PPM1B: variants seen among roughly 807,000 people sequenced by gnomAD.
PPM1B encodes protein phosphatase, Mg2+/Mn2+ dependent 1B.
PPM1B carries 22 observed loss-of-function variants against 43.0 expected under a neutral mutation model. That is an observed-to-expected ratio of 0.51 (90% CI 0.37 to 0.73). The LOEUF (loss-of-function observed/expected upper bound fraction) is 0.73, where lower values mean the gene tolerates loss of function less well. Among genes scored for constraint, PPM1B ranks in the 30% least tolerant of loss-of-function variants. The probability of loss-of-function intolerance (pLI) is 0.00; values close to 1 mark genes in which losing one functional copy is unlikely to be tolerated. For synonymous variants in PPM1B, 217 were observed against 197.9 expected, an observed-to-expected ratio of 1.10 and a Z score of -0.81; for missense variants, 632 against 584.2, an observed-to-expected ratio of 1.08 and a Z score of -0.84.
At chr2:44,175,163 A>G (rs1343712160) in intron 1 of PPM1B, among the ~76,000 whole-genome samples, 1 of 152,156 alleles carries the variant, frequency 6.6e-6, no homozygotes, top group East Asian at 1.9e-4. Flanking sequence ...CTGAGACAGG[A>G]GAATCGCTTG....
downstream of PPM1B, among the ~76,000 whole-genome samples, chr2:44,235,506 G>T (rs555831263): frequency 1.3e-4 from 20 of 150,578 alleles, no homozygotes; most frequent in African/African-American, 4.9e-4. Flanking sequence ...GGGAGGCTGA[G>T]CCAGGATAAT....
intron 1 of PPM1B, among the ~76,000 whole-genome samples, chr2:44,195,007 T>C (rs965251872): frequency 6.6e-6 from 1 of 151,644 alleles, no homozygotes; most frequent in Non-Finnish European, 1.5e-5. Context: ...TCTTCCTGCT[T>C]CAGCCTCCTA....
chr2:44,245,392 C>A (rs1670837477), downstream of PPM1B, among the ~76,000 whole-genome samples: 1 of 152,142 alleles, frequency 6.6e-6, no homozygotes, highest in South Asian at 2.1e-4. Flanking sequence ...TTGATCAGCT[C>A]TGCCTGTCGT....
chr2:44,233,013 C>T (rs1670513027), downstream of PPM1B: 4 of 982,540 alleles, frequency 4.1e-6, no homozygotes, highest in Non-Finnish European at 4.8e-6. Flanking sequence ...CATCCTTCAA[C>T]TCTCACTAGA....
intron 1 of PPM1B, among the ~76,000 whole-genome samples, chr2:44,194,649 G>A (rs1450049851): frequency 6.6e-6 from 1 of 151,932 alleles, no homozygotes; most frequent in Non-Finnish European, 1.5e-5. Flanking sequence ...TGTGAACCTG[G>A]GAGGCGGAGC....
chr2:44,187,590 T>A (rs1668185092), intron 1 of PPM1B, among the ~76,000 whole-genome samples: 1 of 152,224 alleles, frequency 6.6e-6, no homozygotes, highest in African/African-American at 2.4e-5. Flanking sequence ...CTACTCTGCC[T>A]CTCCGCCAAG....
intron 5 of PPM1B, among the ~76,000 whole-genome samples, chr2:44,222,295 A>G (rs1670012508): frequency 6.6e-6 from 1 of 152,162 alleles, no homozygotes; most frequent in Non-Finnish European, 1.5e-5. Context: ...AAATATTTGT[A>G]TTTATTCATT....
chr2:44,224,904 C>T (rs1670144614), intron 5 of PPM1B, among the ~76,000 whole-genome samples: 1 of 152,056 alleles, frequency 6.6e-6, no homozygotes, highest in South Asian at 2.1e-4. Flanking sequence ...AATAATTTCA[C>T]CAATATTTCT....
At chr2:44,238,231 T>A (rs1484640745), downstream of PPM1B, among the ~76,000 whole-genome samples, 2 of 152,164 alleles carry the variant, frequency 1.3e-5, no homozygotes, top group Non-Finnish European at 2.9e-5. Context: ...AACAATTAAT[T>A]CCACAGTGAC....
At chr2:44,187,459 G>C (rs1284300536) in intron 1 of PPM1B, among the ~76,000 whole-genome samples, 1 of 152,048 alleles carries the variant, frequency 6.6e-6, no homozygotes, top group Non-Finnish European at 1.5e-5. Context: ...TGGATCATAT[G>C]GTTGTTTTAT....
chr2:44,202,189 ATT>A, intron 2 of PPM1B, 144 bp downstream of exon 2: 2 of 845,892 alleles, frequency 2.4e-6, no homozygotes, highest in Non-Finnish European at 3.3e-6. Flanking sequence ...AAATGAAACC[ATT>A]GTTTTCTTTG....
intron 2 of PPM1B, among the ~76,000 whole-genome samples, chr2:44,205,356 T>TGTGTGTGTCGGG (rs1553333041): frequency 6.2e-5 from 9 of 145,184 alleles, no homozygotes; most frequent in Admixed American, 1.4e-4. Context: ...TGGGTGTGGG[T>TGTGTGTGTCGGG]GTGTGTGTGT....
intron 2 of PPM1B, among the ~76,000 whole-genome samples, chr2:44,206,965 C>T (rs1558413354): frequency 1.3e-5 from 2 of 152,254 alleles, no homozygotes; most frequent in East Asian, 3.9e-4. Context: ...TATAACCAAA[C>T]ACATACAGTA....
intron 2 of PPM1B, among the ~76,000 whole-genome samples, chr2:44,203,570 T>TA (rs1669038011): frequency 1.3e-5 from 2 of 152,188 alleles, no homozygotes; most frequent in African/African-American, 2.4e-5. Flanking sequence ...CTAAGTCAGC[T>TA]ACTTTCATTG....
intron 3 of PPM1B, among the ~76,000 whole-genome samples, chr2:44,217,123 G>T (rs1669756969): frequency 6.6e-6 from 1 of 152,166 alleles, no homozygotes; most frequent in East Asian, 1.9e-4. Flanking sequence ...GCCTGGGCTG[G>T]GTGTGGTGGC....
At chr2:44,184,775 A>C (rs566723476) in intron 1 of PPM1B, among the ~76,000 whole-genome samples, 1 of 152,132 alleles carries the variant, frequency 6.6e-6, no homozygotes, top group South Asian at 2.1e-4. Flanking sequence ...ATTCAGGAGA[A>C]TCATGTTTTT....
intron 1 of PPM1B, among the ~76,000 whole-genome samples, chr2:44,191,245 G>C (rs189996872): frequency 6.6e-6 from 1 of 151,962 alleles, no homozygotes; most frequent in African/African-American, 2.4e-5. Context: ...ACGGAGTCTC[G>C]TTCTGTTGCC....
chr2:44,227,901 CT>C (rs1048354758), intron 5 of PPM1B, among the ~76,000 whole-genome samples: 1 of 141,948 alleles, frequency 7.0e-6, no homozygotes, highest in Non-Finnish European at 1.5e-5. Context: ...AAAACAAGCA[CT>C]TTTTTTTTCT....
At chr2:44,236,426 A>AAAAAAAAAAAAAAAAACAG (rs1670615742), downstream of PPM1B, among the ~76,000 whole-genome samples, 1 of 149,124 alleles carries the variant, frequency 6.7e-6, no homozygotes, top group Non-Finnish European at 1.5e-5. Flanking sequence ...AAAAAAAAAA[A>AAAAAAAAAAAAAAAAACAG]AGTTGTAATG....
Sources: gnomAD v4.1 joint callset for allele counts (sites outside exome capture counted in the v4.1 genomes callset) on GRCh38, gnomAD v4.1.1 for gene constraint, MANE v1.5 for transcripts, NCBI Gene and HGNC (gene_info 2026-07-23, HGNC 2026-07-21) for gene names.